PPP2R2B: variants seen among roughly 807,000 people sequenced by gnomAD.
The protein encoded by PPP2R2B is serine/threonine-protein phosphatase 2A 55 kDa regulatory subunit B beta isoform.
In PPP2R2B, 5 loss-of-function variants were observed where a neutral mutation model predicts 46.0. The observed-to-expected ratio is 0.11, with a 90% CI of 0.06 to 0.23. The LOEUF (loss-of-function observed/expected upper bound fraction) is 0.23, where lower values mean the gene tolerates loss of function less well. PPP2R2B is among the 10% of genes least tolerant of loss of function. The probability of loss-of-function intolerance (pLI) is 1.00; values close to 1 mark genes in which losing one functional copy is unlikely to be tolerated. For synonymous variants in PPP2R2B, 215 were observed against 206.7 expected, an observed-to-expected ratio of 1.04 and a Z score of -0.34; for missense variants, 367 against 575.0, an observed-to-expected ratio of 0.64 and a Z score of 3.70.
intron 1 of PPP2R2B, among the ~76,000 whole-genome samples, chr5:147,028,395 T>C (rs184954726): frequency 6.6e-6 from 1 of 152,254 alleles, no homozygotes; most frequent in African/African-American, 2.4e-5. Context: ...GATCAAGAAA[T>C]AGAATGAATA....
In PPP2R2B at chr5:146,992,347, T is replaced by C. The variant is rs373310132; in HGVS notation, c.79+63318A>G. ...AAAGATATTTTCACTGGATATCAGA[T>C]TGTAGTTCTCTTTCAGCACTTGAAA... On this transcript the variant is annotated intron_variant, in intron 1 of 8. Transcript: ENST00000336640. Among the ~76,000 whole-genome samples the C allele has an allele frequency of 8.5e-5, 13 of 152,338 alleles. No homozygotes were observed. In the South Asian group the frequency reaches 2.3e-3, roughly 27 times the overall value.
At chr5:147,062,171 A>C (rs1757278879) in intron 2 of PPP2R2B, among the ~76,000 whole-genome samples, 1 of 152,194 alleles carries the variant, frequency 6.6e-6, no homozygotes. Context: ...TTGTGTTACA[A>C]CTGCCCAGAG....
At position 146,650,055 on chromosome 5, in the gene PPP2R2B, T is replaced by C. The variant is rs80076459; in HGVS notation, c.625+492A>G. Among the ~76,000 whole-genome samples the C allele has an allele frequency of 3.0e-3, 464 of 152,336 alleles. 5 individuals are homozygous for C. The highest frequency in any genetic ancestry group is 0.02 in the Middle Eastern group (6 of 294). On this transcript the variant is annotated intron_variant, in intron 6 of 9. Transcript: ENST00000394411. ...TATAATATGTACTTTTCTATATGCA[T>C]AATATACTTCAATGAGGTAAAAAAT...
At chr5:146,713,191 T>C (rs1020782928) in intron 2 of PPP2R2B, among the ~76,000 whole-genome samples, 1 of 152,156 alleles carries the variant, frequency 6.6e-6, no homozygotes, top group Non-Finnish European at 1.5e-5. Flanking sequence ...ACGATGCAGG[T>C]ATCTGTAGGA....
intron 2 of PPP2R2B, among the ~76,000 whole-genome samples, chr5:146,830,175 G>C (rs1003363595): frequency 1.3e-5 from 2 of 151,966 alleles, no homozygotes; most frequent in South Asian, 4.1e-4. Context: ...GAGACATCTG[G>C]GTTTGACTTC....
exon 1 of PPP2R2B, chr5:147,055,822 G>C (rs772991959): frequency 3.3e-5 from 50 of 1,535,260 alleles, no homozygotes; most frequent in Non-Finnish European, 4.1e-5. Flanking sequence ...TTTTAAGCTG[G>C]CTACATCACC....
At chr5:146,877,626 A>C (rs946040790) in intron 2 of PPP2R2B, among the ~76,000 whole-genome samples, 1 of 151,700 alleles carries the variant, frequency 6.6e-6, no homozygotes, top group Non-Finnish European at 1.5e-5. Context: ...TCGCTCAGGG[A>C]GGGGGGACCA....
intron 2 of PPP2R2B, among the ~76,000 whole-genome samples, chr5:146,781,658 A>C (rs1257283144): frequency 6.6e-6 from 1 of 152,106 alleles, no homozygotes. Context: ...TGTATTGCTT[A>C]ATCAATACCA....
At chr5:147,028,586 T>A (rs1280635765) in intron 1 of PPP2R2B, among the ~76,000 whole-genome samples, 1 of 152,222 alleles carries the variant, frequency 6.6e-6, no homozygotes, top group Non-Finnish European at 1.5e-5. Flanking sequence ...TCATTCTATT[T>A]TTTATGGACT....
chr5:146,842,033 A>G (rs1165138294), intron 2 of PPP2R2B, among the ~76,000 whole-genome samples: 1 of 152,180 alleles, frequency 6.6e-6, no homozygotes, highest in East Asian at 1.9e-4. Context: ...TGAGACAGGG[A>G]TTCATCCATA....
At chr5:147,063,213 G>A (rs898993539) in intron 2 of PPP2R2B, among the ~76,000 whole-genome samples, 1 of 152,200 alleles carries the variant, frequency 6.6e-6, no homozygotes, top group Admixed American at 6.5e-5. Flanking sequence ...CAGAATCCAA[G>A]AAAACTTCCT....
intron 2 of PPP2R2B, among the ~76,000 whole-genome samples, chr5:146,728,138 CTTTTTTTTTT>C (rs757396751): frequency 1.2e-5 from 1 of 82,506 alleles, no homozygotes; most frequent in South Asian, 4.3e-4. Context: ...GAAACACTTA[CTTTTTTTTTT>C]TTTTTTTTTT....
At chr5:146,983,267 A>G (rs1222555866) in intron 1 of PPP2R2B, among the ~76,000 whole-genome samples, 14 of 128,482 alleles carry the variant, frequency 1.1e-4, no homozygotes, top group East Asian at 4.6e-4. Flanking sequence ...TGCAAGCTCC[A>G]CCTCCCGGGT....
chr5:146,686,600 A>T (rs558374843), intron 5 of PPP2R2B, among the ~76,000 whole-genome samples: 1 of 150,904 alleles, frequency 6.6e-6, no homozygotes, highest in Non-Finnish European at 1.5e-5. Context: ...TTTGAATAAA[A>T]TCCATTCGAA....
intron 1 of PPP2R2B, among the ~76,000 whole-genome samples, chr5:146,951,208 G>C (rs1340258152): frequency 6.6e-6 from 1 of 151,558 alleles, no homozygotes; most frequent in Non-Finnish European, 1.5e-5. Flanking sequence ...GCTTTATTGA[G>C]GTATAATATA....
At chr5:146,812,807 A>G (rs1363981299) in intron 2 of PPP2R2B, among the ~76,000 whole-genome samples, 2 of 60,746 alleles carry the variant, frequency 3.3e-5, no homozygotes, top group South Asian at 5.4e-4. Context: ...ATATATATAT[A>G]TATATATATA....
chr5:146,912,962 T>C (rs1763246934), intron 1 of PPP2R2B, among the ~76,000 whole-genome samples: 1 of 152,320 alleles, frequency 6.6e-6, no homozygotes, highest in East Asian at 1.9e-4. Context: ...ATCCTATCTA[T>C]AGCCAAGAAA....
At chr5:146,808,306 G>A (rs1389088005) in intron 2 of PPP2R2B, among the ~76,000 whole-genome samples, 4 of 152,136 alleles carry the variant, frequency 2.6e-5, no homozygotes, top group Non-Finnish European at 2.9e-5. Context: ...GTGCCTAGCG[G>A]CTACCATGTT....
chr5:146,981,179 A>G (rs1383589630), intron 1 of PPP2R2B, among the ~76,000 whole-genome samples: 1 of 152,156 alleles, frequency 6.6e-6, no homozygotes, highest in Non-Finnish European at 1.5e-5. Flanking sequence ...CACTCTACAA[A>G]TATTTGCTGA....
Sources: gnomAD v4.1 joint callset for allele counts (sites outside exome capture counted in the v4.1 genomes callset) on GRCh38, gnomAD v4.1.1 for gene constraint, MANE v1.5 for transcripts, NCBI Gene and HGNC (gene_info 2026-07-23, HGNC 2026-07-21) for gene names.